CXADR: variants seen among roughly 807,000 people sequenced by gnomAD.
CXADR encodes CXADR cell adhesion molecule.
Under a neutral mutation model 40.3 loss-of-function variants are expected in CXADR, and 20 were observed. The ratio of observed to expected loss-of-function variants is 0.50; its 90% confidence interval spans 0.35 to 0.72. The LOEUF (loss-of-function observed/expected upper bound fraction) is 0.72, where lower values mean the gene tolerates loss of function less well. CXADR is among the 30% of genes least tolerant of loss of function. The probability of loss-of-function intolerance (pLI) is 0.01; values close to 1 mark genes in which losing one functional copy is unlikely to be tolerated. For missense variants in CXADR, 332 were observed against 449.1 expected, an observed-to-expected ratio of 0.74 and a Z score of 2.36; for synonymous variants, 150 against 161.3, an observed-to-expected ratio of 0.93 and a Z score of 0.53.
the CXADR span, chr21:17,613,327 T>A: frequency 2.0e-5 from 3 of 152,388 alleles, no homozygotes; most frequent in African/African-American, 7.2e-5. Context: ...GAATGGCGAG[T>A]TCTAGACCCA....
rs2061346770 is a variant in CXADR, at chr21:17,579,649, A to C, written c.1018-13503A>C. On this transcript the variant is annotated intron_variant, in intron 7 of 7. Transcript: ENST00000400169. ...CTGGGCGGCTTGCCAGTTGTAGGGC[A>C]GGGTAAGAAGACAGAAAAGAGATGA... is the stretch of plus-strand genomic sequence containing the variant. Among the ~76,000 whole-genome samples, 3 of 152,168 alleles carry C rather than the reference A, an allele frequency of 2.0e-5. No individual in the cohort carries two copies. In the South Asian group the frequency reaches 6.2e-4, roughly 32 times the overall value.
At chr21:17,626,403 C>G in the CXADR span, among the ~76,000 whole-genome samples, 3 of 152,154 alleles carry the variant, frequency 2.0e-5, no homozygotes, top group African/African-American at 7.2e-5. Context: ...GTATTTATTA[C>G]CATGTAAATT....
intron 2 of CXADR, among the ~76,000 whole-genome samples, chr21:17,551,392 CAAAAAGAAAAG>C (rs1399348768): frequency 1.3e-5 from 2 of 152,004 alleles, no homozygotes; most frequent in South Asian, 2.1e-4. Context: ...GACTCCACCT[CAAAAAGAAAAG>C]AAAAGGAAAA....
chr21:17,514,227 T>A (rs1006413212), intron 1 of CXADR, among the ~76,000 whole-genome samples: 1 of 152,128 alleles, frequency 6.6e-6, no homozygotes, highest in African/African-American at 2.4e-5. Flanking sequence ...TTAGGTGCTC[T>A]GAAGCAGGAT....
chr21:17,568,275 C>A lies in CXADR; in HGVS notation c.*2583C>A. On this transcript the variant is annotated 3_prime_UTR_variant, in exon 7 of 7. Coordinates refer to ENST00000284878, the MANE Select transcript of CXADR (RefSeq NM_001338.5). ...TCCCGAGCAGCTGGGACTACAGGCT[C>A]CCATCACCACGCTCGGCTAAGTTTT... 5 of 788,298 alleles carry A rather than the reference C, an allele frequency of 6.3e-6. No individual in the cohort carries two copies. The highest frequency in any genetic ancestry group is 7.7e-6 in the Non-Finnish European group (5 of 650,806). 48.8% of individuals were successfully genotyped at this position (788,298 alleles called of 1,614,324 possible). A position where few individuals can be genotyped will look rare whatever the true frequency, so the allele number is the denominator to read the frequency against.
chr21:17,613,141 AC>A, the CXADR span: 1 of 151,946 alleles, frequency 6.6e-6, no homozygotes, highest in Non-Finnish European at 1.5e-5. Flanking sequence ...GGTCCGCAGA[AC>A]CGCGGGCTTC....
intron 7 of CXADR, among the ~76,000 whole-genome samples, chr21:17,578,752 C>T (rs1298113599): frequency 1.3e-5 from 2 of 152,118 alleles, no homozygotes; most frequent in African/African-American, 4.8e-5. Context: ...TTGCTTGAGC[C>T]CCAAGGGTGC....
Position 17,515,662 on chromosome 21 carries a change from A to C in CXADR, c.43+2490A>C, listed in dbSNP as rs190977955. 9.2e-5 allele frequency among the ~76,000 whole-genome samples: 14 copies of C among 152,126 alleles called. No individual in the cohort carries two copies. The South Asian group carries it at 2.5e-3, about 27-fold the overall frequency. ...CCGTCCCTACTAAAAATACAAAAAA[A>C]TTAGCCGAGCCTGGTGGCAGGCGCC... is the stretch of plus-strand genomic sequence containing the variant. On this transcript the variant is annotated intron_variant, in intron 1 of 6. Transcript: ENST00000284878.
the CXADR span, among the ~76,000 whole-genome samples, chr21:17,623,707 C>T: frequency 6.6e-6 from 1 of 152,180 alleles, no homozygotes; most frequent in Non-Finnish European, 1.5e-5. Flanking sequence ...CCCACAACTC[C>T]CACTAAACTT....
At chr21:17,557,057 A>T (rs901345709) in intron 3 of CXADR, among the ~76,000 whole-genome samples, 3 of 152,250 alleles carry the variant, frequency 2.0e-5, no homozygotes, top group African/African-American at 7.2e-5. Context: ...CAAAACAAAA[A>T]TGCATTTACC....
At chr21:17,590,894 A>G (rs941211028) in intron 7 of CXADR, among the ~76,000 whole-genome samples, 2 of 151,994 alleles carry the variant, frequency 1.3e-5, no homozygotes, top group East Asian at 1.9e-4. Flanking sequence ...TTTAATTTCT[A>G]TTTCCAGCAA....
intron 1 of CXADR, among the ~76,000 whole-genome samples, chr21:17,525,467 C>T (rs1472385139): frequency 2.6e-5 from 4 of 152,192 alleles, no homozygotes; most frequent in Admixed American, 2.6e-4. Flanking sequence ...TAAATGTGTT[C>T]AGCCCCCACC....
At chr21:17,627,047 G>C in the CXADR span, 1 of 152,214 alleles carries the variant, frequency 6.6e-6, no homozygotes, top group Non-Finnish European at 1.5e-5. Flanking sequence ...CTACAAGCAA[G>C]GGGTAAGGCA....
At chr21:17,543,555 T>C (rs1013250425) in intron 1 of CXADR, among the ~76,000 whole-genome samples, 1 of 152,114 alleles carries the variant, frequency 6.6e-6, no homozygotes, top group African/African-American at 2.4e-5. Flanking sequence ...CTTAGCTCCA[T>C]ATTTGAACTA....
chr21:17,537,410 G>C (rs1194277549), intron 1 of CXADR, among the ~76,000 whole-genome samples: 1 of 152,160 alleles, frequency 6.6e-6, no homozygotes, highest in African/African-American at 2.4e-5. Flanking sequence ...ATTGTTATCT[G>C]CTTACCTCCA....
intron 1 of CXADR, 105 bp downstream of exon 1, chr21:17,513,277 T>A (rs1315410497): frequency 9.0e-7 from 1 of 1,111,144 alleles, no homozygotes; most frequent in Middle Eastern, 3.2e-4. Context: ...CGGGCGCGAT[T>A]TGGGGGCGCT....
At chr21:17,620,279 A>T in the CXADR span, among the ~76,000 whole-genome samples, 2 of 152,210 alleles carry the variant, frequency 1.3e-5, no homozygotes, top group African/African-American at 4.8e-5. Context: ...AGGGTTATTA[A>T]TTGGCCTAAT....
intron 7 of CXADR, among the ~76,000 whole-genome samples, chr21:17,580,836 AACCTC>A (rs1349494373): frequency 6.6e-6 from 1 of 152,072 alleles, no homozygotes; most frequent in Non-Finnish European, 1.5e-5. Flanking sequence ...CTGCAGCCTC[AACCTC>A]CAGGGCTCAA....
Position 17,565,768 on chromosome 21 carries a change from A to C in CXADR, c.*76A>C. ...TATATGAAAACCTATTCTGGTCTAA[A>C]TTGTGTTACTAGCCTCAAAATACAT... On this transcript the variant is annotated 3_prime_UTR_variant, in exon 7 of 7. Coordinates refer to ENST00000284878, the MANE Select transcript of CXADR (RefSeq NM_001338.5). 6.5e-7 allele frequency: 1 copy of C among 1,534,520 alleles called. No individual in the cohort carries two copies. The highest frequency in any genetic ancestry group is 1.4e-5 in the African/African-American group (1 of 72,496).
Sources: gnomAD v4.1 joint callset for allele counts (sites outside exome capture counted in the v4.1 genomes callset) on GRCh38, gnomAD v4.1.1 for gene constraint, MANE v1.5 for transcripts, NCBI Gene and HGNC (gene_info 2026-07-23, HGNC 2026-07-21) for gene names.